The following MATN3 variants were observed in gnomAD, a reference collection of about 807,000 sequenced individuals.
MATN3 encodes the protein matrilin-3.
Under a neutral mutation model 45.3 loss-of-function variants are expected in MATN3, and 48 were observed. The ratio of observed to expected loss-of-function variants is 1.06; its 90% CI spans 0.84 to 1.35. The LOEUF is 1.35. Ranked by LOEUF, MATN3 falls within the 40% of genes most tolerant of loss-of-function variation. MATN3 has a pLI of 0.00. For synonymous variants in MATN3, 217 were observed against 245.9 expected (o/e 0.88, Z 1.10); for missense variants, 599 against 628.0 (o/e 0.95, Z 0.49).
chr2:20,005,252 A>C (rs1673070786), intron 2 of MATN3, among the ~76,000 whole-genome samples: 1 of 152,210 alleles, frequency 6.6e-6, no homozygotes, highest in South Asian at 2.1e-4. Context: ...TGACGGTGAC[A>C]TTGGAATAGA....
intron 5 of MATN3, 95 bp downstream of exon 5, chr2:20,000,346 C>A: frequency 8.7e-7 from 1 of 1,145,810 alleles, no homozygotes; most frequent in Admixed American, 2.5e-5. Context: ...GAACCTTGAT[C>A]TTAAGTTACC....
At chr2:20,009,718 A>C (rs2103485750) in intron 1 of MATN3, among the ~76,000 whole-genome samples, 1 of 152,318 alleles carries the variant, frequency 6.6e-6, no homozygotes, top group South Asian at 2.1e-4. Flanking sequence ...AGCCACTATA[A>C]GACTTCAAAA....
intron 1 of MATN3, among the ~76,000 whole-genome samples, chr2:20,007,347 G>A (rs1673127708): frequency 6.6e-6 from 1 of 152,116 alleles, no homozygotes; most frequent in East Asian, 1.9e-4. Context: ...TGGCCAACTT[G>A]GTGAAACCCT....
Position 20,002,069 on chromosome 2 carries a change from A to G in MATN3, c.928T>C (p.Cys310Arg). The change falls in exon 4 of 8, where the codon TGT becomes CGT. Residue 310 changes from cysteine to arginine, a missense_variant. Coordinates refer to ENST00000407540, the MANE Select transcript of MATN3 (RefSeq NM_002381.5). ...DKKTCSALDR[C>R]ALNTHGCEHI... ...TCACATCCGTGGGTGTTAAGAGCAC[A>G]CCTATCAAGAGCTATCAAAAGATGA... 1 of 1,612,830 alleles carries G rather than the reference A, an allele frequency of 6.2e-7. No homozygotes were observed. The highest frequency in any genetic ancestry group is 8.5e-7 in the Non-Finnish European group (1 of 1,179,462).
At chr2:20,009,107 C>T (rs1453640662) in intron 1 of MATN3, among the ~76,000 whole-genome samples, 4 of 151,754 alleles carry the variant, frequency 2.6e-5, no homozygotes, top group Non-Finnish European at 4.4e-5. Context: ...CACCTGTAGT[C>T]CCAGCTGCTT....
Position 20,012,335 on chromosome 2 carries a change from G to A in MATN3, c.223+74C>T. ...ACCACGGTCGGCCTGAGGCCGGGAT[G>A]AAGCGCGCTTGGTGGATGCCCTGGG... On this transcript the variant is annotated intron_variant, in intron 1 of 7. Transcript: ENST00000407540. This position sits in a 1 kb window ranked among gnomAD's most constrained non-coding sequence, Gnocchi z 4.3. The A allele has an allele frequency of 8.7e-7, 1 of 1,147,554 alleles. No homozygotes were observed. Among genetic ancestry groups the A allele is most frequent in the Non-Finnish European group, 1.1e-6 (1 of 913,306 alleles). The allele number at this position is 1,147,554 out of a possible 1,614,324, so 71.1% of individuals were successfully genotyped here. A position where few individuals can be genotyped will look rare whatever the true frequency, so the allele number is the denominator to read the frequency against.
chr2:19,998,529 G>A (rs1260382916), intron 5 of MATN3, among the ~76,000 whole-genome samples: 1 of 152,178 alleles, frequency 6.6e-6, no homozygotes, highest in African/African-American at 2.4e-5. Context: ...GCCAAGGCAG[G>A]TGTATTGCTT....
chr2:19,997,687 C>G (rs2103479933), intron 5 of MATN3: 1 of 155,612 alleles, frequency 6.4e-6, no homozygotes, highest in African/African-American at 2.4e-5. Flanking sequence ...AAGTTTGATG[C>G]TGCACAAAAA....
intron 7 of MATN3, among the ~76,000 whole-genome samples, chr2:19,993,894 G>A (rs771148230): frequency 4.6e-5 from 7 of 152,068 alleles, no homozygotes; most frequent in African/African-American, 1.7e-4. Context: ...TGACCACTTG[G>A]CTAGTCAAAG....
rs1572380875 is a variant in MATN3, at chr2:19,997,200, C to T, written c.1228G>A (p.Ala410Thr). The change falls in exon 6 of 8, where the codon GCC becomes ACC. Residue 410 changes from alanine (A) to threonine (T), a missense_variant. Coordinates refer to ENST00000407540, the MANE Select transcript of MATN3 (RefSeq NM_002381.5). Reference sequence around the variant, plus strand: ...TAGCAATCACAGTGGTAGGATGCGGCCCCATCACTCACACAAATGTGCTGG... The same window carrying T: ...TAGCAATCACAGTGGTAGGATGCGGTCCCATCACTCACACAAATGTGCTGG... ...GCQHICVSDG[A>T]ASYHCDCYPG... is the part of the protein sequence containing the mutation. The T allele has an allele frequency of 1.2e-6, 2 of 1,613,768 alleles. No homozygotes were observed. Among genetic ancestry groups the T allele is most frequent in the Non-Finnish European group, 1.7e-6 (2 of 1,179,762 alleles).
intron 2 of MATN3, chr2:20,003,999 C>G (rs2103483050): frequency 6.6e-6 from 1 of 152,330 alleles, no homozygotes; most frequent in South Asian, 2.1e-4. Context: ...ATTTATATCT[C>G]ATTGGATATT....
intron 5 of MATN3, 22 bp downstream of exon 5, chr2:20,000,419 G>A (rs753890373): frequency 3.2e-6 from 5 of 1,584,328 alleles, no homozygotes; most frequent in Non-Finnish European, 4.3e-6. Flanking sequence ...AAGTATGAAA[G>A]AATTTTTTGA....
chr2:20,007,194 C>T (rs929611811), intron 1 of MATN3, among the ~76,000 whole-genome samples: 1 of 143,180 alleles, frequency 7.0e-6, no homozygotes, highest in Non-Finnish European at 1.5e-5. Context: ...GGCAACAGAG[C>T]GAGACTCCGT....
chr2:19,994,413 A>G lies in MATN3; in HGVS notation c.1295-4T>C, dbSNP rs778039892. The G allele has an allele frequency of 1.3e-6, 2 of 1,563,740 alleles. No homozygotes were observed. The highest frequency in any genetic ancestry group is 1.8e-6 in the Non-Finnish European group (2 of 1,135,448). Reference sequence around the variant, plus strand: ...AGTCTTCGTGCTTCCTCAGTGGCTGAAGACAATGACAGTACACAAATATAC... The same window carrying G: ...AGTCTTCGTGCTTCCTCAGTGGCTGGAGACAATGACAGTACACAAATATAC... On this transcript the variant is annotated splice_polypyrimidine_tract_variant and splice_region_variant and intron_variant, in intron 6 of 7. Transcript: ENST00000407540.
At chr2:20,002,397 T>C (rs1489504156) in intron 3 of MATN3, among the ~76,000 whole-genome samples, 1 of 152,150 alleles carries the variant, frequency 6.6e-6, no homozygotes, top group Non-Finnish European at 1.5e-5. Context: ...AAAAAATATA[T>C]AATTCCCATT....
chr2:20,003,258 G>C lies in MATN3; in HGVS notation c.819C>G (p.His273Gln), dbSNP rs1452030092. The C allele has an allele frequency of 6.2e-7, 1 of 1,613,924 alleles. No homozygotes were observed. Among genetic ancestry groups the C allele is most frequent in the East Asian group, 2.2e-5 (1 of 44,880 alleles). Residue 273 changes from histidine (H) to glutamine (Q), a missense_variant, in exon 3 of 8, where the codon CAC becomes CAG. Coordinates refer to ENST00000407540, the MANE Select transcript of MATN3 (RefSeq NM_002381.5). ...CALDPCVLGT[H>Q]QCQHVCISDG... ...CACTGATGCAGACGTGCTGGCACTG[G>C]TGTGTTCCAAGCACACAGGGGTCCA...
rs148503762 is a variant in MATN3, at chr2:19,998,223, AT to A, written c.1169-965del. ...ATTCCCTTTCAGTGCTACAATTTAGATTTTTTTTTCAGCAAAATGCCTTATA... is the reference window on the plus strand; with the variant it reads ...ATTCCCTTTCAGTGCTACAATTTAGATTTTTTTTCAGCAAAATGCCTTATA... On this transcript the variant is annotated intron_variant, in intron 5 of 7. Coordinates refer to ENST00000407540, the MANE Select transcript of MATN3 (RefSeq NM_002381.5). 3.4e-4 allele frequency among the ~76,000 whole-genome samples: 52 copies of A among 151,312 alleles called. No individual in the cohort carries two copies. The South Asian group carries it at 7.3e-3, about 21-fold the overall frequency.
intron 1 of MATN3, among the ~76,000 whole-genome samples, chr2:20,010,767 A>G (rs1428885211): frequency 6.6e-6 from 1 of 152,190 alleles, no homozygotes; most frequent in Non-Finnish European, 1.5e-5. Context: ...CAGACTTCTG[A>G]CCCACAGAAC....
intron 2 of MATN3, among the ~76,000 whole-genome samples, chr2:20,004,660 G>C (rs1242825108): frequency 6.6e-6 from 1 of 152,148 alleles, no homozygotes; most frequent in Non-Finnish European, 1.5e-5. Context: ...AAGTCTCCTT[G>C]AAATGTATAA....
Sources: gnomAD v4.1 joint callset for allele counts (sites outside exome capture counted in the v4.1 genomes callset) on GRCh38, gnomAD v4.1.1 for gene constraint, Gnocchi (gnomAD v3.1) non-coding constraint, MANE v1.5 for transcripts, NCBI Gene and HGNC (gene_info 2026-07-23, HGNC 2026-07-21) for gene names.